Variants in CLEC16A observed in about 807,000 individuals in gnomAD.
CLEC16A encodes protein CLEC16A.
CLEC16A carries 51 observed loss-of-function variants against 109.5 expected under a neutral mutation model. The observed-to-expected ratio is 0.47, with a 90% CI of 0.37 to 0.59. The LOEUF is 0.59. Among genes scored for constraint, CLEC16A ranks in the 20% least tolerant of loss-of-function variants. CLEC16A has a pLI of 0.00. For synonymous variants in CLEC16A, 673 were observed against 564.2 expected, an observed-to-expected ratio of 1.19 and a Z score of -2.73; for missense variants, 1,339 against 1,394.0, an observed-to-expected ratio of 0.96 and a Z score of 0.63.
At chr16:10,968,881 G>A (rs554340464) in intron 3 of CLEC16A, among the ~76,000 whole-genome samples, 1 of 152,244 alleles carries the variant, frequency 6.6e-6, no homozygotes, top group African/African-American at 2.4e-5. Context: ...GTTGCACTTT[G>A]CCATCAATGA....
intron 1 of CLEC16A, among the ~76,000 whole-genome samples, chr16:10,948,489 TTGAC>T (rs1172799532): frequency 6.6e-6 from 1 of 152,160 alleles, no homozygotes; most frequent in African/African-American, 2.4e-5. Context: ...GGCTGTGACA[TTGAC>T]TGACAAATGT....
chr16:10,971,008 ATTT>A (rs35498388), intron 4 of CLEC16A, 114 bp from the exon 5 acceptor site: 3,856 of 501,630 alleles, frequency 7.7e-3, no homozygotes, highest in Non-Finnish European at 8.5e-3. Context: ...CATTGGCAAC[ATTT>A]TTTTTTTTTT....
At chr16:11,048,145 G>A (rs11865480) in intron 17 of CLEC16A, 13,576 of 152,372 alleles carry the variant, frequency 0.089, 646 homozygotes, top group African/African-American at 0.12. Context: ...CTGCCCGGCC[G>A]GTGAGTGGCA....
chr16:10,945,400 G>C (rs79993955), intron 1 of CLEC16A, among the ~76,000 whole-genome samples: 2,967 of 152,322 alleles, frequency 0.019, 41 homozygotes, highest in Non-Finnish European at 0.031. Context: ...TGCACGCTGA[G>C]ACCCAGGATT....
At chr16:10,969,343 A>T (rs755187410) in intron 4 of CLEC16A, 34 bp downstream of exon 4, 18 of 1,506,306 alleles carry the variant, frequency 1.2e-5, no homozygotes, top group Non-Finnish European at 1.6e-5. Context: ...GTGTGGGTGT[A>T]AAGCCACACG....
intron 10 of CLEC16A, among the ~76,000 whole-genome samples, chr16:11,001,468 G>A (rs2044665168): frequency 6.6e-6 from 1 of 152,170 alleles, no homozygotes; most frequent in South Asian, 2.1e-4. Flanking sequence ...GTGAGCTTTG[G>A]AATTGGCAAG....
At chr16:11,130,799 C>T (rs867103981) in intron 22 of CLEC16A, among the ~76,000 whole-genome samples, 44 of 152,290 alleles carry the variant, frequency 2.9e-4, no homozygotes, top group African/African-American at 1.1e-3. Context: ...GCTGCTGCCT[C>T]GGGGTGGCTG....
rs2068654894 is a variant in CLEC16A, at chr16:11,174,315, C to T, written c.2807-4020C>T. 2.3e-6 allele frequency: 1 copy of T among 435,524 alleles called. No individual in the cohort carries two copies. The highest frequency in any genetic ancestry group is 1.6e-5 in the South Asian group (1 of 63,302). The allele number at this position is 435,524 out of a possible 1,614,324, so 27.0% of individuals were successfully genotyped here. Reference sequence around the variant, plus strand: ...TGTGAGCCGCTCGGGCCGCGACGTCCACTCGCCACGCTGCATTTCCACAGT... The same window carrying T: ...TGTGAGCCGCTCGGGCCGCGACGTCTACTCGCCACGCTGCATTTCCACAGT... On this transcript the variant is annotated intron_variant, in intron 23 of 23. Transcript: ENST00000409790. The surrounding 1 kb of genome is among the most constrained non-coding windows in gnomAD (Gnocchi z 4.7).
At chr16:11,133,503 C>A (rs549723294) in intron 22 of CLEC16A, among the ~76,000 whole-genome samples, 1 of 152,226 alleles carries the variant, frequency 6.6e-6, no homozygotes, top group Non-Finnish European at 1.5e-5. Context: ...CCAGAGGCAG[C>A]CCTTGGCAGC....
At chr16:10,981,028 A>G (rs933775932) in intron 9 of CLEC16A, among the ~76,000 whole-genome samples, 1 of 152,172 alleles carries the variant, frequency 6.6e-6, no homozygotes, top group Admixed American at 6.5e-5. Flanking sequence ...CAGCTTTTTG[A>G]GTCTGGCCTG....
intron 1 of CLEC16A, among the ~76,000 whole-genome samples, chr16:10,947,103 A>G (rs1330881580): frequency 1.3e-5 from 2 of 152,244 alleles, no homozygotes; most frequent in African/African-American, 2.4e-5. Flanking sequence ...TCACATGTCT[A>G]TCGGATGCTT....
At chr16:10,969,357 CTT>C (rs759478746) in intron 4 of CLEC16A, 48 bp downstream of exon 4, 69,161 of 950,028 alleles carry the variant, frequency 0.073, no homozygotes, top group East Asian at 0.087. Flanking sequence ...CCACACGTGG[CTT>C]TTTTTTTTTT....
At position 11,123,840 on chromosome 16, in the gene CLEC16A, C is replaced by T. The variant is rs767559834; in HGVS notation, c.2367C>T (p.Leu789=). 6.2e-7 allele frequency: 1 copy of T among 1,614,064 alleles called. No homozygotes were observed. Among genetic ancestry groups the T allele is most frequent in the Admixed American group, 1.7e-5 (1 of 60,036 alleles). The stretch of plus-strand genomic sequence containing the variant: ...CCCATTCCAAGCCCTTCCCCATCCT[C>T]CAGGCCACCTTCATCTTCTCAGACC... ...SSPHSKPFPI[L]QATFIFSDHI... is the part of the protein sequence containing the mutation. Residue 789 remains leucine (L), a synonymous_variant, in exon 21 of 24, where the codon CTC becomes CTT. Transcript: ENST00000409790.
chr16:10,958,267 C>T (rs908389570), intron 2 of CLEC16A, among the ~76,000 whole-genome samples: 2 of 152,268 alleles, frequency 1.3e-5, no homozygotes, highest in Admixed American at 6.5e-5. Context: ...TGAGGGCTCC[C>T]AGTTACCATG....
intron 11 of CLEC16A, among the ~76,000 whole-genome samples, chr16:11,007,790 G>C (rs1273258631): frequency 1.3e-5 from 2 of 152,152 alleles, no homozygotes; most frequent in African/African-American, 4.8e-5. Context: ...GAGTATGTGT[G>C]TGAGAGTGAG....
At chr16:11,121,792 A>G (rs935327334) in intron 20 of CLEC16A, among the ~76,000 whole-genome samples, 2 of 148,100 alleles carry the variant, frequency 1.4e-5, no homozygotes, top group Non-Finnish European at 3.0e-5. Flanking sequence ...AGGCACGAGA[A>G]TCGCTTGAAC....
intron 17 of CLEC16A, among the ~76,000 whole-genome samples, chr16:11,050,549 G>T (rs929502426): frequency 2.0e-5 from 3 of 152,232 alleles, no homozygotes; most frequent in Non-Finnish European, 4.4e-5. Context: ...GAAATGAAAT[G>T]TTAGTGTTCA....
intron 19 of CLEC16A, among the ~76,000 whole-genome samples, chr16:11,068,266 A>G (rs1247950304): frequency 6.6e-6 from 1 of 152,260 alleles, no homozygotes; most frequent in Non-Finnish European, 1.5e-5. Flanking sequence ...GGTTGCAAAC[A>G]GCTGGTCCTC....
Position 11,181,630 on chromosome 16 carries a change from C to A in CLEC16A, c.*2940C>A, listed in dbSNP as rs200810764. On this transcript the variant is annotated 3_prime_UTR_variant, in exon 24 of 24. Coordinates refer to ENST00000409790, the MANE Select transcript of CLEC16A (RefSeq NM_015226.3). ...GATGGGGCCAGCTGAGGCGCTCCCC[C>A]AGGCAGGAAGGGCCAGCCTTCACCA... is the stretch of plus-strand genomic sequence containing the variant. 6.6e-6 allele frequency: 1 copy of A among 152,366 alleles called. No homozygotes were observed. Among genetic ancestry groups the A allele is most frequent in the Non-Finnish European group, 1.5e-5 (1 of 68,122 alleles). 9.4% of individuals were successfully genotyped at this position (152,366 alleles called of 1,614,324 possible).
Sources: gnomAD v4.1 joint callset for allele counts (sites outside exome capture counted in the v4.1 genomes callset) on GRCh38, gnomAD v4.1.1 for gene constraint, Gnocchi (gnomAD v3.1) non-coding constraint, MANE v1.5 for transcripts, NCBI Gene and HGNC (gene_info 2026-07-23, HGNC 2026-07-21) for gene names.